Variants in DMXL1 observed in about 807,000 individuals in gnomAD.
DMXL1 encodes Dmx like 1, also known as dmX-like protein 1.
Under a neutral mutation model 319.2 loss-of-function variants are expected in DMXL1, and 99 were observed. The ratio of observed to expected loss-of-function variants is 0.31; its 90% CI spans 0.26 to 0.37. The LOEUF (loss-of-function observed/expected upper bound fraction) is 0.37, where lower values mean the gene tolerates loss of function less well. DMXL1 is among the 10% of genes least tolerant of loss of function. The pLI is 1.00. For missense variants in DMXL1, 3,745 were observed against 3,595.6 expected, an observed-to-expected ratio of 1.04 and a Z score of -1.06; for synonymous variants, 1,385 against 1,235.2, an observed-to-expected ratio of 1.12 and a Z score of -2.54.
At position 119,129,165 on chromosome 5, in the gene DMXL1, T is replaced by C. The variant is rs755661894; in HGVS notation, c.1103-46T>C. ...AAATATGAAACATGGATGTTTCATATGCTAGAAGGTAAAAATTTTAATTTT... is the reference window on the plus strand; with the variant it reads ...AAATATGAAACATGGATGTTTCATACGCTAGAAGGTAAAAATTTTAATTTT... On this transcript the variant is annotated intron_variant, in intron 9 of 43. Transcript: ENST00000539542. The C allele has an allele frequency of 2.3e-5, 28 of 1,211,584 alleles. No homozygotes were observed. In the South Asian group the frequency reaches 3.5e-4, roughly 15 times the overall value. The allele number at this position is 1,211,584 out of a possible 1,614,324, so 75.1% of individuals were successfully genotyped here. A position where few individuals can be genotyped will look rare whatever the true frequency, so the allele number is the denominator to read the frequency against.
chr5:119,140,859 C>G (rs1434699172), intron 13 of DMXL1, among the ~76,000 whole-genome samples: 1 of 152,028 alleles, frequency 6.6e-6, no homozygotes. Context: ...AAATCCTTGA[C>G]AAAATACTGG....
At chr5:119,222,914 CA>C (rs1784884863) in intron 37 of DMXL1, among the ~76,000 whole-genome samples, 2 of 152,060 alleles carry the variant, frequency 1.3e-5, no homozygotes, top group South Asian at 4.1e-4. Flanking sequence ...ATTCACATCT[CA>C]ACTCAAATCC....
At chr5:119,077,641 T>G (rs1252515695) in intron 1 of DMXL1, among the ~76,000 whole-genome samples, 1 of 146,296 alleles carries the variant, frequency 6.8e-6, no homozygotes, top group Non-Finnish European at 1.5e-5. Context: ...TGGCTTTTTT[T>G]TTTTTTTTTT....
chr5:119,170,040 C>G, intron 23 of DMXL1, 150 bp from the exon 24 acceptor site: 1 of 647,984 alleles, frequency 1.5e-6, no homozygotes, highest in Non-Finnish European at 2.5e-6. Flanking sequence ...GTTGTTGTCT[C>G]TTCAGTGCCA....
chr5:119,128,096 C>A, intron 9 of DMXL1: 1 of 476,912 alleles, frequency 2.1e-6, no homozygotes, highest in Admixed American at 2.5e-5. Flanking sequence ...TTACCCATTG[C>A]AAGTCTAAAT....
chr5:119,214,213 C>G (rs943061532), intron 34 of DMXL1, among the ~76,000 whole-genome samples: 3 of 152,158 alleles, frequency 2.0e-5, no homozygotes, highest in Non-Finnish European at 4.4e-5. Context: ...ACTCACCCAC[C>G]TATCAGGCCT....
chr5:119,078,171 G>A (rs1344799548), intron 1 of DMXL1, among the ~76,000 whole-genome samples: 1 of 152,130 alleles, frequency 6.6e-6, no homozygotes, highest in Non-Finnish European at 1.5e-5. Context: ...TTAAAGATGA[G>A]GTCTTGCTGT....
At chr5:119,205,978 G>T (rs1434498048) in intron 33 of DMXL1, among the ~76,000 whole-genome samples, 3 of 151,962 alleles carry the variant, frequency 2.0e-5, no homozygotes, top group African/African-American at 7.2e-5. Flanking sequence ...TCTGAGAACT[G>T]CTCTTTCTTT....
chr5:119,201,693 T>C (rs981439050), intron 32 of DMXL1, among the ~76,000 whole-genome samples: 1 of 152,208 alleles, frequency 6.6e-6, no homozygotes, highest in African/African-American at 2.4e-5. Context: ...CGAATCCATC[T>C]GGTTCTATGC....
intron 17 of DMXL1, 96 bp downstream of exon 17, chr5:119,147,566 C>T (rs112304282): frequency 3.9e-6 from 3 of 774,836 alleles, no homozygotes; most frequent in African/African-American, 3.5e-5. Flanking sequence ...TAAATCCACA[C>T]AGAACTAGAA....
intron 26 of DMXL1, among the ~76,000 whole-genome samples, chr5:119,177,116 G>T (rs1040297813): frequency 1.3e-5 from 2 of 151,964 alleles, no homozygotes; most frequent in Non-Finnish European, 2.9e-5. Flanking sequence ...GGTACATAGC[G>T]ATTTAGTTTT....
intron 15 of DMXL1, among the ~76,000 whole-genome samples, chr5:119,145,924 A>C (rs1030357548): frequency 2.0e-5 from 3 of 151,760 alleles, no homozygotes; most frequent in African/African-American, 7.2e-5. Context: ...AAATTATCAA[A>C]ACTAGGATTG....
In DMXL1 at chr5:119,242,951, A is replaced by G. The variant is rs957345549; in HGVS notation, c.8705-1408A>G. On this transcript the variant is annotated intron_variant, in intron 42 of 43. Transcript: ENST00000539542. ...CTCACCTTTCATAAAAATTAACTCA[A>G]AATGGACCATAAACCTGCATGTAAT... Among the ~76,000 whole-genome samples, 4 of 152,330 alleles carry G rather than the reference A, an allele frequency of 2.6e-5. No individual in the cohort carries two copies. The East Asian group carries it at 7.7e-4, about 29-fold the overall frequency.
chr5:119,079,400 C>G (rs1024596878), intron 1 of DMXL1, among the ~76,000 whole-genome samples: 3 of 152,128 alleles, frequency 2.0e-5, no homozygotes, highest in Non-Finnish European at 4.4e-5. Flanking sequence ...GGAGCTCAGC[C>G]CTAAAGTTAT....
intron 9 of DMXL1, among the ~76,000 whole-genome samples, chr5:119,124,608 C>T (rs1354901391): frequency 1.4e-5 from 2 of 143,650 alleles, no homozygotes; most frequent in African/African-American, 2.6e-5. Flanking sequence ...GCTCTGTCGC[C>T]AAGCTGGAGT....
At chr5:119,084,225 A>G (rs905197926) in intron 1 of DMXL1, among the ~76,000 whole-genome samples, 1 of 151,914 alleles carries the variant, frequency 6.6e-6, no homozygotes, top group Non-Finnish European at 1.5e-5. Context: ...GGTTGAAGCA[A>G]TTCTCCTGCC....
At position 119,071,515 on chromosome 5, in the gene DMXL1, G is replaced by C. The variant is rs1432712177; in HGVS notation, c.-55G>C. On this transcript the variant is annotated 5_prime_UTR_variant, in exon 1 of 44. Coordinates refer to ENST00000539542, the MANE Select transcript of DMXL1 (RefSeq NM_001290321.3). ...GAGGGAAGGAGGGAGGGAAGCAGCC[G>C]CTGACCCGTGGCATGAGCTGGATGC... is the stretch of plus-strand genomic sequence containing the variant. The C allele has an allele frequency of 6.6e-7, 1 of 1,525,474 alleles. No individual in the cohort carries two copies. Among genetic ancestry groups the C allele is most frequent in the Non-Finnish European group, 8.9e-7 (1 of 1,120,126 alleles). 94.5% of individuals were successfully genotyped at this position (1,525,474 alleles called of 1,614,324 possible).
At chr5:119,108,479 A>G (rs1758842667) in intron 4 of DMXL1, among the ~76,000 whole-genome samples, 1 of 152,114 alleles carries the variant, frequency 6.6e-6, no homozygotes, top group Non-Finnish European at 1.5e-5. Context: ...GCTAGACTGC[A>G]GTAGCACAAT....
chr5:119,092,878 A>G (rs988941223), intron 1 of DMXL1, among the ~76,000 whole-genome samples: 1 of 152,134 alleles, frequency 6.6e-6, no homozygotes, highest in African/African-American at 2.4e-5. Flanking sequence ...TATATACTAT[A>G]TTTTGTTTAG....
Sources: gnomAD v4.1 joint callset for allele counts (sites outside exome capture counted in the v4.1 genomes callset) on GRCh38, gnomAD v4.1.1 for gene constraint, MANE v1.5 for transcripts, NCBI Gene and HGNC (gene_info 2026-07-23, HGNC 2026-07-21) for gene names.